The following CATSPERE variants were observed in gnomAD, a reference collection of about 807,000 sequenced individuals.
CATSPERE encodes catsper channel auxiliary subunit epsilon, also known as cation channel sperm-associated auxiliary subunit epsilon.
A neutral mutation model predicts 114.1 loss-of-function variants in CATSPERE; 93 were observed. The observed-to-expected ratio is 0.81, with a 90% CI of 0.69 to 0.97. The LOEUF (loss-of-function observed/expected upper bound fraction) is 0.97, where lower values mean the gene tolerates loss of function less well. Among genes scored for constraint, CATSPERE ranks in the 50% least tolerant of loss-of-function variants. CATSPERE has a pLI of 0.00. For synonymous variants in CATSPERE, 341 were observed against 384.1 expected (o/e 0.89, Z 1.31); for missense variants, 1,058 against 1,131.6 (o/e 0.93, Z 0.93).
chr1:244,549,430 T>TATAC (rs1553353679), intron 8 of CATSPERE, among the ~76,000 whole-genome samples: 1 of 152,136 alleles, frequency 6.6e-6, no homozygotes, highest in African/African-American at 2.4e-5. Flanking sequence ...TCTATATATA[T>TATAC]ATATAGACAC....
rs531128654 is a variant in CATSPERE, at chr1:244,568,266, G to A, written c.1508-4064G>A. On this transcript the variant is annotated intron_variant, in intron 10 of 21. Transcript: ENST00000366534. This position sits in a 1 kb window ranked among gnomAD's most constrained non-coding sequence, Gnocchi z 4.4. ...GATGCCAGCCAGAGCTCTTCTGTAT[G>A]AGGTGTCTGTCAACCCCTGCTAGGA... Among the ~76,000 whole-genome samples the A allele has an allele frequency of 1.6e-4, 24 of 152,176 alleles. No homozygotes were observed. The highest frequency in any genetic ancestry group is 2.9e-4 in the Non-Finnish European group (20 of 68,022).
intron 10 of CATSPERE, among the ~76,000 whole-genome samples, chr1:244,565,710 TTTTCATAGATTCATAGA>T (rs1419551564): frequency 3.9e-5 from 6 of 152,254 alleles, no homozygotes; most frequent in Admixed American, 6.5e-5. Flanking sequence ...TCATTGATTT[TTTTCATAGATTCATAGA>T]TTTCATAGAT....
intron 20 of CATSPERE, among the ~76,000 whole-genome samples, chr1:244,627,781 G>A (rs1216229305): frequency 6.6e-6 from 1 of 152,150 alleles, no homozygotes; most frequent in African/African-American, 2.4e-5. Context: ...CCACAGTTTC[G>A]CTTCCCATGA....
At position 244,583,984 on chromosome 1, in the gene CATSPERE, G is replaced by A. The variant is rs199659788; in HGVS notation, c.2085+45G>A. Reference sequence around the variant, plus strand: ...GACCCAAATATTTCACTTCAAGAATGTATAGGCGGTCAACCAAATAATGCA... The same window carrying A: ...GACCCAAATATTTCACTTCAAGAATATATAGGCGGTCAACCAAATAATGCA... On this transcript the variant is annotated intron_variant, in intron 13 of 21. Transcript: ENST00000366534. 16 of 1,541,068 alleles carry A rather than the reference G, an allele frequency of 1.0e-5. No homozygotes were observed. The East Asian group carries it at 3.6e-4, about 35-fold the overall frequency.
intron 7 of CATSPERE, among the ~76,000 whole-genome samples, chr1:244,506,939 C>T (rs770903089): frequency 1.8e-4 from 27 of 152,226 alleles, no homozygotes; most frequent in Non-Finnish European, 2.2e-4. Context: ...ATCTGGTGAC[C>T]GCTTTTCAAC....
chr1:244,569,455 T>A lies in CATSPERE; in HGVS notation c.1508-2875T>A, dbSNP rs565816341. ...GACATTTTTGCATTGGGTTTATCTA[T>A]ACTGATATGTTCTTTATCTCATGTA... On this transcript the variant is annotated intron_variant, in intron 10 of 21. Coordinates refer to ENST00000366534, the MANE Select transcript of CATSPERE (RefSeq NM_001130957.2). Among the ~76,000 whole-genome samples the A allele has an allele frequency of 2.8e-4, 42 of 152,344 alleles. 1 individual carries two copies. Among genetic ancestry groups the A allele is most frequent in the Middle Eastern group, 3.4e-3 (1 of 294 alleles).
intron 8 of CATSPERE, among the ~76,000 whole-genome samples, chr1:244,528,791 A>ACGCG (rs202128609): frequency 6.6e-4 from 97 of 147,362 alleles, no homozygotes; most frequent in African/African-American, 2.3e-3. Flanking sequence ...CCCACCACAC[A>ACGCG]CACACACACA....
chr1:244,583,838 TAA>T (rs1266055161), intron 12 of CATSPERE, 24 bp from the exon 13 acceptor site: 1 of 1,604,840 alleles, frequency 6.2e-7, no homozygotes, highest in East Asian at 2.2e-5. Flanking sequence ...CATGATACAA[TAA>T]CCTGTACGAA....
At chr1:244,591,596 G>A (rs1011661974) in intron 14 of CATSPERE, 85 bp from the exon 15 acceptor site, 1 of 749,756 alleles carries the variant, frequency 1.3e-6, no homozygotes, top group African/African-American at 1.8e-5. Flanking sequence ...TCTCCTGTTT[G>A]AGAATCACTG....
intron 8 of CATSPERE, among the ~76,000 whole-genome samples, chr1:244,545,502 G>T (rs186307021): frequency 6.6e-6 from 1 of 152,192 alleles, no homozygotes; most frequent in Non-Finnish European, 1.5e-5. Context: ...GTGGCAGATA[G>T]GGATGCTATG....
exon 1 of CATSPERE, chr1:244,454,489 T>C (rs1343701539): frequency 6.6e-6 from 1 of 151,802 alleles, no homozygotes; most frequent in Non-Finnish European, 1.5e-5. Context: ...AGGGTGATTT[T>C]CTCTTGTAAA....
At chr1:244,557,389 G>T (rs1458320882) in intron 9 of CATSPERE, among the ~76,000 whole-genome samples, 1 of 149,630 alleles carries the variant, frequency 6.7e-6, no homozygotes, top group African/African-American at 2.4e-5. Flanking sequence ...CCATTTATAT[G>T]TGTTTCTTCA....
At chr1:244,451,501 G>A, upstream of CATSPERE, 2 of 995,998 alleles carry the variant, frequency 2.0e-6, no homozygotes, top group East Asian at 2.7e-5. The surrounding 1 kb of genome is among the most constrained non-coding windows in gnomAD (Gnocchi z 6.6). Flanking sequence ...GCTCAGGACA[G>A]GAGGAGAGAG....
At chr1:244,454,013 G>A (rs976669020), upstream of CATSPERE, among the ~76,000 whole-genome samples, 10 of 152,198 alleles carry the variant, frequency 6.6e-5, no homozygotes, top group South Asian at 2.1e-4. Context: ...GGATACTCCC[G>A]GAGTTCTTGG....
intron 20 of CATSPERE, among the ~76,000 whole-genome samples, chr1:244,626,998 T>C (rs1158590713): frequency 6.6e-6 from 1 of 152,248 alleles, no homozygotes; most frequent in African/African-American, 2.4e-5. Flanking sequence ...TCTTTCAACA[T>C]GCCTTCCTCA....
chr1:244,532,708 T>C (rs56383252), intron 8 of CATSPERE, among the ~76,000 whole-genome samples: 26,189 of 152,118 alleles, frequency 0.17, 2,499 homozygotes, highest in African/African-American at 0.25. Flanking sequence ...TTTTATTCCA[T>C]TGTGGTCAGA....
chr1:244,533,203 T>C (rs970811794), intron 8 of CATSPERE, among the ~76,000 whole-genome samples: 1 of 152,190 alleles, frequency 6.6e-6, no homozygotes, highest in Non-Finnish European at 1.5e-5. Flanking sequence ...TCCATTTGCA[T>C]TGAATATATT....
intron 20 of CATSPERE, among the ~76,000 whole-genome samples, chr1:244,619,243 TAAATA>T (rs1292893359): frequency 6.6e-6 from 1 of 152,142 alleles, no homozygotes; most frequent in Non-Finnish European, 1.5e-5. Context: ...TGACTGATTA[TAAATA>T]GAGAATGGAA....
upstream of CATSPERE, chr1:244,457,557 C>T (rs1666268949): frequency 6.6e-6 from 1 of 152,094 alleles, no homozygotes; most frequent in African/African-American, 2.4e-5. Context: ...TTCATTGGAT[C>T]TTCTTTGGAA....
Sources: gnomAD v4.1 joint callset for allele counts (sites outside exome capture counted in the v4.1 genomes callset) on GRCh38, gnomAD v4.1.1 for gene constraint, Gnocchi (gnomAD v3.1) non-coding constraint, MANE v1.5 for transcripts, NCBI Gene and HGNC (gene_info 2026-07-23, HGNC 2026-07-21) for gene names.